The following TCAF1 variants were observed in gnomAD, a reference collection of about 807,000 sequenced individuals.
TCAF1 encodes the protein TRPM8 channel associated factor 1, also known as TRPM8 channel-associated factor 1.
In TCAF1, 4 loss-of-function variants were observed where a neutral mutation model predicts 27.3. The ratio of observed to expected loss-of-function variants is 0.15; its 90% CI spans 0.07 to 0.34. TCAF1 has a LOEUF of 0.34. Among genes scored for constraint, TCAF1 ranks in the 10% least tolerant of loss-of-function variants. The probability of loss-of-function intolerance (pLI) is 1.00; values close to 1 mark genes in which losing one functional copy is unlikely to be tolerated. For missense variants in TCAF1, 257 were observed against 425.8 expected (o/e 0.60, Z 3.49); for synonymous variants, 105 against 167.1 (o/e 0.63, Z 2.87).
intron 1 of TCAF1, among the ~76,000 whole-genome samples, chr7:143,887,931 CT>C (rs1813487591): frequency 6.6e-6 from 1 of 152,118 alleles, no homozygotes. Context: ...ATAATATTTA[CT>C]CTTGGGCCAG....
intron 1 of TCAF1, among the ~76,000 whole-genome samples, chr7:143,877,954 A>G (rs1158961398): frequency 6.6e-6 from 1 of 152,218 alleles, no homozygotes; most frequent in Non-Finnish European, 1.5e-5. Flanking sequence ...GCTCACTCCC[A>G]ACATAATACG....
In TCAF1 at chr7:143,851,980, A is replaced by G. The variant is rs1230253934; in HGVS notation, c.*2153T>C. ...AGGCTGATCTGAACATTGAATACTA[A>G]TAAATGATATCCACATTATTTTGGC... On this transcript the variant is annotated 3_prime_UTR_variant, in exon 9 of 9. Coordinates refer to ENST00000479870, the MANE Select transcript of TCAF1 (RefSeq NM_014719.3). 1 of 152,258 alleles carries G rather than the reference A, an allele frequency of 6.6e-6. No homozygotes were observed. The allele number at this position is 152,258 out of a possible 1,614,324, so 9.4% of individuals were successfully genotyped here. A position where few individuals can be genotyped will look rare whatever the true frequency, so the allele number is the denominator to read the frequency against.
At chr7:143,890,151 GTTATTTTATT>G (rs140060893) in intron 1 of TCAF1, among the ~76,000 whole-genome samples, 11 of 151,780 alleles carry the variant, frequency 7.2e-5, no homozygotes, top group South Asian at 4.2e-4. Flanking sequence ...ACCACACCCA[GTTATTTTATT>G]TTATTTTATT....
At chr7:143,877,205 A>T (rs1812766319) in intron 1 of TCAF1, among the ~76,000 whole-genome samples, 2 of 152,164 alleles carry the variant, frequency 1.3e-5, no homozygotes, top group African/African-American at 4.8e-5. Flanking sequence ...CCTGGACTTC[A>T]AACTTCTAAG....
Position 143,884,977 on chromosome 7 carries a change from T to C in TCAF1, c.-14-8355A>G, listed in dbSNP as rs954113628. The C allele has an allele frequency of 3.0e-6, 3 of 985,170 alleles. No homozygotes were observed. The African/African-American group carries it at 5.2e-5, about 17-fold the overall frequency. The allele number at this position is 985,170 out of a possible 1,614,324, so 61.0% of individuals were successfully genotyped here. Reference sequence around the variant, plus strand: ...AATGGAGAAAGCGCAGGCAACCCTTTTTGAAAGACATCTACCTCCCTGGAC... The same window carrying C: ...AATGGAGAAAGCGCAGGCAACCCTTCTTGAAAGACATCTACCTCCCTGGAC... On this transcript the variant is annotated intron_variant, in intron 1 of 8. Transcript: ENST00000479870.
rs1811338711 is a variant in TCAF1, at chr7:143,852,261, T to C, written c.*1872A>G. On this transcript the variant is annotated 3_prime_UTR_variant, in exon 9 of 9. Transcript: ENST00000479870. ...CTCAAGCATCCCAGCTCTTCAATGA[T>C]ACTATCTATGGCACTGAATGCACAT... 1 of 152,156 alleles carries C rather than the reference T, an allele frequency of 6.6e-6. No individual in the cohort carries two copies. The highest frequency in any genetic ancestry group is 2.4e-5 in the African/African-American group (1 of 41,308). The allele number at this position is 152,156 out of a possible 1,614,324, so 9.4% of individuals were successfully genotyped here.
chr7:143,878,924 C>A (rs1047865794), intron 1 of TCAF1, among the ~76,000 whole-genome samples: 22 of 152,196 alleles, frequency 1.4e-4, no homozygotes, highest in Non-Finnish European at 3.2e-4. Flanking sequence ...CCTCTTCCCA[C>A]CTTTACTTTT....
intron 1 of TCAF1, among the ~76,000 whole-genome samples, chr7:143,892,507 A>G (rs981662938): frequency 6.6e-6 from 1 of 152,052 alleles, no homozygotes; most frequent in Non-Finnish European, 1.5e-5. Flanking sequence ...AAAACTGTGC[A>G]AATTGGTAGA....
intron 1 of TCAF1, among the ~76,000 whole-genome samples, chr7:143,877,485 T>C (rs1274118563): frequency 6.6e-6 from 1 of 152,204 alleles, no homozygotes; most frequent in Non-Finnish European, 1.5e-5. Context: ...GTGGTTTAAA[T>C]GCAAGTCTCA....
chr7:143,892,734 G>A (rs545031385), intron 1 of TCAF1, among the ~76,000 whole-genome samples: 20 of 152,144 alleles, frequency 1.3e-4, no homozygotes, highest in Admixed American at 1.3e-3. Flanking sequence ...CCTTTGGGAG[G>A]TAATTAGATG....
chr7:143,894,630 T>C (rs923420992), intron 1 of TCAF1, among the ~76,000 whole-genome samples: 2 of 151,764 alleles, frequency 1.3e-5, no homozygotes, highest in African/African-American at 4.8e-5. Flanking sequence ...AGGAATCTTT[T>C]TGTGACCTAG....
At chr7:143,898,031 G>T (rs1263584163) in intron 1 of TCAF1, among the ~76,000 whole-genome samples, 2 of 151,844 alleles carry the variant, frequency 1.3e-5, no homozygotes, top group Non-Finnish European at 2.9e-5. Flanking sequence ...TTTATTCCAA[G>T]AATACAAAAT....
At position 143,889,167 on chromosome 7, in the gene TCAF1, T is replaced by C. The variant is rs943182815; in HGVS notation, c.-14-12545A>G. Among the ~76,000 whole-genome samples, 5 of 152,100 alleles carry C rather than the reference T, an allele frequency of 3.3e-5. No homozygotes were observed. The South Asian group carries it at 6.2e-4, about 19-fold the overall frequency. ...GGAAAATATGAAAAAGGATAGACGATATAGAGCATATAGTGAGAAGACCTA... is the reference window on the plus strand; with the variant it reads ...GGAAAATATGAAAAAGGATAGACGACATAGAGCATATAGTGAGAAGACCTA... On this transcript the variant is annotated intron_variant, in intron 1 of 8. Transcript: ENST00000479870.
chr7:143,852,113 G>A lies in TCAF1; in HGVS notation c.*2020C>T. On this transcript the variant is annotated 3_prime_UTR_variant, in exon 9 of 9. Transcript: ENST00000479870. Reference sequence around the variant, plus strand: ...ATAGAAAAGGAAATGTACCTATCAAGCCTCTTCTTATTCTTCATGAATAAC... The same window carrying A: ...ATAGAAAAGGAAATGTACCTATCAAACCTCTTCTTATTCTTCATGAATAAC... The A allele has an allele frequency of 6.6e-6, 1 of 151,250 alleles. No homozygotes were observed. The highest frequency in any genetic ancestry group is 2.4e-3 in the Middle Eastern group (1 of 412). The allele number at this position is 151,250 out of a possible 1,614,324, so 9.4% of individuals were successfully genotyped here.
chr7:143,881,503 C>G (rs1459667851), intron 1 of TCAF1, among the ~76,000 whole-genome samples: 1 of 152,106 alleles, frequency 6.6e-6, no homozygotes, highest in Non-Finnish European at 1.5e-5. Context: ...CTGTCCTAGA[C>G]ATTCCCAGCT....
At chr7:143,882,561 TTC>T in intron 1 of TCAF1, 2 of 985,322 alleles carry the variant, frequency 2.0e-6, no homozygotes, top group Non-Finnish European at 2.4e-6. Context: ...ACAAAGGGGA[TTC>T]TCTGTCCCCG....
At chr7:143,882,875 C>T in intron 1 of TCAF1, 2 of 985,580 alleles carry the variant, frequency 2.0e-6, no homozygotes, top group Non-Finnish European at 2.4e-6. Context: ...GAGGCTGGAG[C>T]TGGAGGAGAG....
chr7:143,885,019 T>C (rs1466432505), intron 1 of TCAF1: 11 of 984,692 alleles, frequency 1.1e-5, no homozygotes, highest in African/African-American at 1.8e-5. Context: ...CCCAAGGGGG[T>C]CCCAGGCCAA....
chr7:143,891,093 T>G (rs1323612476), intron 1 of TCAF1, among the ~76,000 whole-genome samples: 1 of 152,226 alleles, frequency 6.6e-6, no homozygotes, highest in Non-Finnish European at 1.5e-5. Flanking sequence ...AAACCTTAAA[T>G]GGGCTAGTCC....
Sources: gnomAD v4.1 joint callset for allele counts (sites outside exome capture counted in the v4.1 genomes callset) on GRCh38, gnomAD v4.1.1 for gene constraint, MANE v1.5 for transcripts, NCBI Gene and HGNC (gene_info 2026-07-23, HGNC 2026-07-21) for gene names.